The following PLCB1 variants were observed in gnomAD, a reference collection of about 807,000 sequenced individuals.
The protein encoded by PLCB1 is phospholipase C beta 1, also known as 1-phosphatidylinositol 4,5-bisphosphate phosphodiesterase beta-1.
PLCB1 carries 46 observed loss-of-function variants against 161.8 expected under a neutral mutation model. That is an observed-to-expected ratio of 0.28 (90% CI 0.22 to 0.36). PLCB1 has a LOEUF of 0.36. PLCB1 is among the 10% of genes least tolerant of loss of function. The pLI is 1.00. For missense variants in PLCB1, 1,016 were observed against 1,472.5 expected (o/e 0.69, Z 5.07); for synonymous variants, 517 against 503.7 (o/e 1.03, Z -0.35).
At position 8,191,469 on chromosome 20, in the gene PLCB1, C is replaced by T. The variant is rs1385556042; in HGVS notation, c.177+41098C>T. 4.0e-5 allele frequency among the ~76,000 whole-genome samples: 6 copies of T among 151,824 alleles called. No homozygotes were observed. The East Asian group carries it at 1.2e-3, about 29-fold the overall frequency. Reference sequence around the variant, plus strand: ...ACGGTAAGTTGCAGACAGGATAGCCCTTCACCTTAAATAATTCAGTGCATA... The same window carrying T: ...ACGGTAAGTTGCAGACAGGATAGCCTTTCACCTTAAATAATTCAGTGCATA... On this transcript the variant is annotated intron_variant, in intron 2 of 31. Coordinates refer to ENST00000338037, the MANE Select transcript of PLCB1 (RefSeq NM_015192.4).
chr20:8,506,075 CT>C (rs1983624628), intron 3 of PLCB1, among the ~76,000 whole-genome samples: 2 of 152,298 alleles, frequency 1.3e-5, no homozygotes, highest in African/African-American at 4.8e-5. Context: ...TGTTTTCTTC[CT>C]TTCTTACTCA....
chr20:8,374,440 A>G (rs542676957), intron 3 of PLCB1, among the ~76,000 whole-genome samples: 2 of 152,274 alleles, frequency 1.3e-5, no homozygotes, highest in East Asian at 3.9e-4. Flanking sequence ...AGAACGGACT[A>G]TTACCGGGTC....
intron 3 of PLCB1, among the ~76,000 whole-genome samples, chr20:8,605,209 A>G (rs1168698349): frequency 6.6e-6 from 1 of 152,170 alleles, no homozygotes; most frequent in Non-Finnish European, 1.5e-5. Flanking sequence ...TGTATGTGTG[A>G]ACACATATCA....
chr20:8,319,252 G>A (rs6108132), intron 2 of PLCB1, among the ~76,000 whole-genome samples: 7,353 of 152,174 alleles, frequency 0.048, 623 homozygotes, highest in African/African-American at 0.17. Context: ...ACGATAATAA[G>A]CATTTATTTA....
At chr20:8,212,270 A>G (rs1239923606) in intron 2 of PLCB1, among the ~76,000 whole-genome samples, 1 of 152,184 alleles carries the variant, frequency 6.6e-6, no homozygotes, top group African/African-American at 2.4e-5. Context: ...AAACTTCTTC[A>G]GCATAAATAC....
intron 31 of PLCB1, among the ~76,000 whole-genome samples, chr20:8,864,307 C>T (rs1423872209): frequency 6.6e-6 from 1 of 152,114 alleles, no homozygotes; most frequent in Non-Finnish European, 1.5e-5. Context: ...GTAGTCACTC[C>T]CTCCTTTGTG....
intron 2 of PLCB1, among the ~76,000 whole-genome samples, chr20:8,172,397 T>C (rs146836309): frequency 6.6e-6 from 1 of 152,190 alleles, no homozygotes; most frequent in East Asian, 1.9e-4. Context: ...AGCAAAAGAA[T>C]TGGTAAATGT....
chr20:8,260,604 C>G (rs1981640528), intron 2 of PLCB1, among the ~76,000 whole-genome samples: 1 of 151,940 alleles, frequency 6.6e-6, no homozygotes, highest in African/African-American at 2.4e-5. Context: ...GTCCAAGGTG[C>G]TGTTATAAGA....
intron 2 of PLCB1, among the ~76,000 whole-genome samples, chr20:8,312,331 A>G (rs1984443744): frequency 6.6e-6 from 1 of 152,040 alleles, no homozygotes; most frequent in Admixed American, 6.5e-5. Context: ...GAATGACTCC[A>G]TGGTACTTTT....
intron 3 of PLCB1, among the ~76,000 whole-genome samples, chr20:8,425,807 T>A (rs547422759): frequency 1.9e-4 from 29 of 152,162 alleles, no homozygotes; most frequent in Non-Finnish European, 3.5e-4. Flanking sequence ...TCATTAAGGC[T>A]GTATTTCTGG....
At chr20:8,666,189 T>C (rs1989808607) in intron 9 of PLCB1, among the ~76,000 whole-genome samples, 1 of 152,182 alleles carries the variant, frequency 6.6e-6, no homozygotes, top group African/African-American at 2.4e-5. Context: ...TGCCCACAGC[T>C]GTAACCTGCC....
chr20:8,333,858 A>T (rs1040384700), intron 2 of PLCB1, among the ~76,000 whole-genome samples: 7 of 152,148 alleles, frequency 4.6e-5, no homozygotes, highest in Admixed American at 3.9e-4. Flanking sequence ...TTACAACAAG[A>T]CTGTTTTGGT....
chr20:8,508,646 T>G (rs1983745358), intron 3 of PLCB1, among the ~76,000 whole-genome samples: 1 of 152,196 alleles, frequency 6.6e-6, no homozygotes, highest in South Asian at 2.1e-4. Flanking sequence ...ACAAACATGG[T>G]GTTGAATGTG....
intron 31 of PLCB1, among the ~76,000 whole-genome samples, chr20:8,814,229 T>G (rs1984970905): frequency 6.6e-6 from 1 of 152,076 alleles, no homozygotes; most frequent in Admixed American, 6.6e-5. Context: ...AGATGAAGAG[T>G]ATAGATGTGT....
rs568404116 is a variant in PLCB1, at chr20:8,355,771, T to G, written c.178-15611T>G. The stretch of plus-strand genomic sequence containing the variant: ...GTAGCACCATTATAGTAAGGACTCC[T>G]GCAGTAATCACCAAGTATAATGGGG... On this transcript the variant is annotated intron_variant, in intron 2 of 31. Transcript: ENST00000338037. Among the ~76,000 whole-genome samples, 4 of 152,318 alleles carry G rather than the reference T, an allele frequency of 2.6e-5. No homozygotes were observed. In the South Asian group the frequency reaches 8.3e-4, roughly 32 times the overall value.
chr20:8,164,851 G>T (rs573418626), intron 2 of PLCB1, among the ~76,000 whole-genome samples: 14 of 152,288 alleles, frequency 9.2e-5, no homozygotes, highest in African/African-American at 3.4e-4. Flanking sequence ...GTCCATTTCA[G>T]TTCCATGAAT....
chr20:8,452,210 C>T (rs1981104790), intron 3 of PLCB1, among the ~76,000 whole-genome samples: 1 of 152,188 alleles, frequency 6.6e-6, no homozygotes, highest in Non-Finnish European at 1.5e-5. Context: ...AGCATTTTCT[C>T]ATAGGAAGAG....
intron 3 of PLCB1, among the ~76,000 whole-genome samples, chr20:8,531,469 T>C (rs551708505): frequency 6.6e-6 from 1 of 152,234 alleles, no homozygotes; most frequent in African/African-American, 2.4e-5. Flanking sequence ...ATGTATATCT[T>C]AGTGTGTGTG....
chr20:8,235,544 A>T (rs1338682123), intron 2 of PLCB1, among the ~76,000 whole-genome samples: 1 of 152,124 alleles, frequency 6.6e-6, no homozygotes, highest in Non-Finnish European at 1.5e-5. Context: ...TCACAAACCA[A>T]CAACATCATA....
Sources: gnomAD v4.1 joint callset for allele counts (sites outside exome capture counted in the v4.1 genomes callset) on GRCh38, gnomAD v4.1.1 for gene constraint, MANE v1.5 for transcripts, NCBI Gene and HGNC (gene_info 2026-07-23, HGNC 2026-07-21) for gene names.